Variants in BRF1 observed in about 807,000 individuals in gnomAD.
BRF1 encodes the protein BRF1 general transcription factor IIIB subunit.
Under a neutral mutation model 81.7 loss-of-function variants are expected in BRF1, and 59 were observed. That is an observed-to-expected ratio of 0.72 (90% CI 0.59 to 0.90). BRF1 has a LOEUF of 0.90. Among genes scored for constraint, BRF1 ranks in the 40% least tolerant of loss-of-function variants. The pLI is 0.00. For missense variants in BRF1, 1,050 were observed against 936.3 expected (o/e 1.12, Z -1.58); for synonymous variants, 491 against 395.6 (o/e 1.24, Z -2.86).
intron 15 of BRF1, among the ~76,000 whole-genome samples, chr14:105,215,648 GCACA>G (rs369831808): frequency 0.017 from 2,118 of 125,652 alleles, 43 homozygotes; most frequent in African/African-American, 0.062. Context: ...ACAGACACAG[GCACA>G]CACACACTGC....
chr14:105,272,060 C>T (rs1255349415), intron 3 of BRF1, among the ~76,000 whole-genome samples: 36 of 57,648 alleles, frequency 6.2e-4, no homozygotes, highest in African/African-American at 2.3e-3. Context: ...GGCGGCCTCC[C>T]CGCCCACCGC....
At chr14:105,249,085 G>GGTGAGCCC in intron 5 of BRF1, 1 of 1,459,960 alleles carries the variant, frequency 6.8e-7, no homozygotes, top group African/African-American at 1.5e-5. Flanking sequence ...CTGCGCGAGA[G>GGTGAGCCC]GTGAGCCCGT....
At chr14:105,293,487 G>C (rs2057606046) in intron 1 of BRF1, among the ~76,000 whole-genome samples, 1 of 152,244 alleles carries the variant, frequency 6.6e-6, no homozygotes, top group Non-Finnish European at 1.5e-5. Context: ...ACCCCTGCAA[G>C]CAGGAGCCCA....
chr14:105,306,042 G>A (rs942643565), intron 1 of BRF1, among the ~76,000 whole-genome samples: 1 of 152,354 alleles, frequency 6.6e-6, no homozygotes, highest in East Asian at 1.9e-4. Context: ...GTGTGGGGCA[G>A]GAACATTCCT....
intron 11 of BRF1, among the ~76,000 whole-genome samples, chr14:105,220,499 G>T (rs1892108839): frequency 1.3e-5 from 2 of 152,218 alleles, no homozygotes; most frequent in African/African-American, 4.8e-5. Flanking sequence ...GGAGTGAGAT[G>T]GGGGTCTGTG....
rs200313490 is a variant in BRF1 at position 105,226,323 on chromosome 14, G to C, written c.916-33C>G. The C allele has an allele frequency of 1.8e-4, 283 of 1,613,856 alleles. No homozygotes were observed. In the African/African-American group the frequency reaches 3.4e-3, roughly 20 times the overall value. Reference sequence around the variant, plus strand: ...GGAACAGGGCAAGAGGCTTCGTGAAGGGAGGCCCTGGTGCACAGCGCAGCC... The same window carrying C: ...GGAACAGGGCAAGAGGCTTCGTGAACGGAGGCCCTGGTGCACAGCGCAGCC... On this transcript the variant is annotated intron_variant, in intron 8 of 17. Coordinates refer to ENST00000547530, the MANE Select transcript of BRF1 (RefSeq NM_001519.4).
chr14:105,222,158 A>G (rs905285998), intron 10 of BRF1: 4 of 460,276 alleles, frequency 8.7e-6, no homozygotes, highest in Non-Finnish European at 1.5e-5. Flanking sequence ...CAAAAACGTA[A>G]AAGAAAAACT....
rs751244105 is a variant in BRF1 at position 105,226,052 on chromosome 14, G to T, written c.1048+17C>A. On this transcript the variant is annotated intron_variant, in intron 10 of 17. Coordinates refer to ENST00000547530, the MANE Select transcript of BRF1 (RefSeq NM_001519.4). ...CATTTTAAAGGTCTGAATAGGGGCC[G>T]GGCACAGTGGACTCACCATCTTTTG... The T allele has an allele frequency of 5.6e-6, 9 of 1,608,896 alleles. No individual in the cohort carries two copies. The highest frequency in any genetic ancestry group is 7.7e-6 in the Non-Finnish European group (9 of 1,176,122).
intron 1 of BRF1, among the ~76,000 whole-genome samples, chr14:105,288,613 A>T (rs2057402108): frequency 6.7e-6 from 1 of 149,280 alleles, no homozygotes; most frequent in Admixed American, 6.7e-5. Context: ...ACACGGGGAG[A>T]CCCATTTCTT....
chr14:105,258,231 G>C (rs1293864501), intron 3 of BRF1, among the ~76,000 whole-genome samples: 1 of 152,244 alleles, frequency 6.6e-6, no homozygotes, highest in Non-Finnish European at 1.5e-5. Context: ...ACTCACGCCT[G>C]TAATCCCAGC....
chr14:105,248,565 GGGCT>G, intron 5 of BRF1: 1 of 843,018 alleles, frequency 1.2e-6, no homozygotes, highest in Non-Finnish European at 1.4e-6. Flanking sequence ...CGGCGGGTAC[GGGCT>G]CGGGCGGGCG....
chr14:105,229,688 CTAG>C, intron 6 of BRF1, among the ~76,000 whole-genome samples: 7 of 145,332 alleles, frequency 4.8e-5, no homozygotes, highest in African/African-American at 1.8e-4. Context: ...GAGCAACAAC[CTAG>C]CATCTCAGGA....
intron 12 of BRF1, 94 bp downstream of exon 12, chr14:105,219,975 G>A: frequency 1.5e-5 from 21 of 1,430,816 alleles, no homozygotes; most frequent in Non-Finnish European, 1.5e-5. Flanking sequence ...TCTGGGCAGG[G>A]GAGGTGGCCA....
intron 1 of BRF1, among the ~76,000 whole-genome samples, chr14:105,287,881 G>C (rs923425668): frequency 6.6e-6 from 1 of 152,262 alleles, no homozygotes; most frequent in Non-Finnish European, 1.5e-5. Flanking sequence ...ACTCAGAGCT[G>C]AACAGGGTCA....
At chr14:105,247,266 C>G in intron 5 of BRF1, 1 of 985,422 alleles carries the variant, frequency 1.0e-6, no homozygotes, top group Non-Finnish European at 1.2e-6. Context: ...AACGGCTTGG[C>G]CGTGCGGAGT....
rs143549959 is a variant in BRF1 at position 105,257,086 on chromosome 14, C to T, written c.440-537G>A. Among the ~76,000 whole-genome samples, 501 of 152,210 alleles carry T rather than the reference C, an allele frequency of 3.3e-3. 3 individuals carry two copies. Among genetic ancestry groups the T allele is most frequent in the East Asian group, 0.014 (74 of 5,176 alleles). ...AGCCTGCAGGCGCCACTGGGGGCTG[C>T]GCTCGAGAGACAGGTGTGGGGACCC... is the stretch of plus-strand genomic sequence containing the variant. On this transcript the variant is annotated intron_variant, in intron 3 of 17. Transcript: ENST00000547530.
Position 105,210,446 on chromosome 14 carries a change from A to C in BRF1, c.*105T>G. On this transcript the variant is annotated 3_prime_UTR_variant, in exon 18 of 18. Coordinates refer to ENST00000547530, the MANE Select transcript of BRF1 (RefSeq NM_001519.4). This position sits in a 1 kb window ranked among gnomAD's most constrained non-coding sequence, Gnocchi z 4.7. ...GGGACAGGTGCCACCTGTCACCAGG[A>C]GTCTCGGCGCTGGGGCCTGCCTGCT... is the stretch of plus-strand genomic sequence containing the variant. 1 of 1,280,286 alleles carries C rather than the reference A, an allele frequency of 7.8e-7. No individual in the cohort carries two copies. The allele number at this position is 1,280,286 out of a possible 1,614,324, so 79.3% of individuals were successfully genotyped here.
At chr14:105,258,049 T>C (rs2055968730) in intron 3 of BRF1, among the ~76,000 whole-genome samples, 1 of 152,152 alleles carries the variant, frequency 6.6e-6, no homozygotes. Flanking sequence ...TATCAACAAC[T>C]TGGCAAGACG....
At chr14:105,312,791 C>T (rs2058379603) in intron 1 of BRF1, among the ~76,000 whole-genome samples, 2 of 152,222 alleles carry the variant, frequency 1.3e-5, no homozygotes, top group African/African-American at 4.8e-5. Context: ...CACCATCCCA[C>T]CTTAAAAACA....
Sources: allele counts gnomAD v4.1 joint callset (sites outside exome capture counted in the v4.1 genomes callset), GRCh38; gene constraint gnomAD v4.1.1; non-coding constraint Gnocchi (gnomAD v3.1); transcripts MANE v1.5; gene names NCBI Gene and HGNC (gene_info 2026-07-23, HGNC 2026-07-21).